Variants in CLCA2 observed in about 807,000 individuals in gnomAD.
The protein encoded by CLCA2 is chloride channel accessory 2.
CLCA2 carries 85 observed loss-of-function variants against 82.9 expected under a neutral mutation model. The ratio of observed to expected loss-of-function variants is 1.03; its 90% CI spans 0.86 to 1.23. The LOEUF is 1.23. CLCA2 is among the 50% of genes most tolerant of loss of function. The pLI, the probability that CLCA2 is intolerant of heterozygous loss-of-function variation, is 0.00. For synonymous variants in CLCA2, 421 were observed against 391.7 expected, an observed-to-expected ratio of 1.07 and a Z score of -0.88; for missense variants, 1,089 against 1,124.8, an observed-to-expected ratio of 0.97 and a Z score of 0.45.
chr1:86,436,801 A>G (rs1296648630), intron 6 of CLCA2, among the ~76,000 whole-genome samples: 2 of 151,626 alleles, frequency 1.3e-5, no homozygotes, highest in African/African-American at 2.4e-5. Flanking sequence ...ACAACCTCCA[A>G]CTCCCAGGTT....
intron 12 of CLCA2, among the ~76,000 whole-genome samples, chr1:86,452,768 T>C (rs1401799749): frequency 6.6e-6 from 1 of 152,226 alleles, no homozygotes; most frequent in Non-Finnish European, 1.5e-5. Flanking sequence ...CTTTCCTTCT[T>C]ACACTTATCA....
At position 86,453,578 on chromosome 1, in the gene CLCA2, G is replaced by A. The variant is rs374940896; in HGVS notation, c.2365G>A (p.Gly789Arg). The A allele has an allele frequency of 5.0e-6, 8 of 1,613,920 alleles. No individual in the cohort carries two copies. Among genetic ancestry groups the A allele is most frequent in the Non-Finnish European group, 5.9e-6 (7 of 1,180,002 alleles). Reference protein sequence around the residue: ...EELTLSWTAPGEDFDQGQATS... With the variant: ...EELTLSWTAPREDFDQGQATS... The stretch of plus-strand genomic sequence containing the variant: ...ATTGACCCTATCTTGGACAGCACCT[G>A]GAGAAGACTTTGATCAGGGCCAGGG... The change falls in exon 13 of 14, where the codon GGA (glycine) becomes AGA (arginine). Residue 789 changes from glycine (G) to arginine (R), a missense_variant. By Grantham distance (125) the Gly-to-Arg change is moderately radical. Coordinates refer to ENST00000370565, the MANE Select transcript of CLCA2 (RefSeq NM_006536.7).
At chr1:86,449,080 A>C (rs1662913742) in intron 11 of CLCA2, among the ~76,000 whole-genome samples, 1 of 152,242 alleles carries the variant, frequency 6.6e-6, no homozygotes, top group South Asian at 2.1e-4. Flanking sequence ...TCAAAATGTA[A>C]ATTGTTTCCC....
At chr1:86,431,088 A>C in intron 4 of CLCA2, 118 bp downstream of exon 4, 1 of 662,548 alleles carries the variant, frequency 1.5e-6, no homozygotes, top group Non-Finnish European at 2.6e-6. Context: ...GCTAAAACTT[A>C]GCTGATAAGA....
chr1:86,449,240 A>G (rs1274812677), intron 11 of CLCA2, among the ~76,000 whole-genome samples: 1 of 152,248 alleles, frequency 6.6e-6, no homozygotes, highest in Non-Finnish European at 1.5e-5. Flanking sequence ...GCATACTCTC[A>G]AATAATCATC....
intron 9 of CLCA2, 87 bp from the exon 10 acceptor site, chr1:86,443,700 C>T: frequency 1.1e-6 from 1 of 951,454 alleles, no homozygotes; most frequent in Non-Finnish European, 1.6e-6. Context: ...TTTATTTTTG[C>T]CAATTAATTG....
At chr1:86,435,930 GT>G (rs113228505) in intron 6 of CLCA2, among the ~76,000 whole-genome samples, 37,983 of 97,016 alleles carry the variant, frequency 0.39, 5,037 homozygotes, top group Admixed American at 0.48. Context: ...ATTTTAAATG[GT>G]TAAAAAAAAA....
rs1325593618 is a variant in CLCA2 at position 86,447,728 on chromosome 1, A to G, written c.1934A>G (p.Glu645Gly). 1.9e-6 allele frequency: 3 copies of G among 1,613,902 alleles called. No homozygotes were observed. The highest frequency in any genetic ancestry group is 2.2e-5 in the South Asian group (2 of 91,082). The stretch of plus-strand genomic sequence containing the variant: ...AATGCCACTGTCACTGCCACAGTTG[A>G]GCCAGAGACTGGAGATCCTGTTACG... ...ILNATVTATV[E>G]PETGDPVTLR... is the part of the protein sequence containing the mutation. The change falls in exon 11 of 14, where the codon GAG becomes GGG. Residue 645 changes from glutamate to glycine, a missense_variant. By Grantham distance (98) the Glu-to-Gly change is moderately conservative (BLOSUM62 -2). Coordinates refer to ENST00000370565, the MANE Select transcript of CLCA2 (RefSeq NM_006536.7).
At chr1:86,430,149 G>A (rs1015677456) in intron 3 of CLCA2, among the ~76,000 whole-genome samples, 5 of 152,264 alleles carry the variant, frequency 3.3e-5, no homozygotes, top group Non-Finnish European at 5.9e-5. Flanking sequence ...CATCTGGAAA[G>A]CTTATATGGG....
intron 3 of CLCA2, among the ~76,000 whole-genome samples, chr1:86,430,583 G>A (rs572983379): frequency 6.6e-6 from 1 of 152,078 alleles, no homozygotes; most frequent in South Asian, 2.1e-4. Flanking sequence ...AGAGGATGTG[G>A]GACTACTCAC....
At chr1:86,454,066 C>T (rs1663026288) in intron 13 of CLCA2, among the ~76,000 whole-genome samples, 1 of 152,152 alleles carries the variant, frequency 6.6e-6, no homozygotes, top group Admixed American at 6.5e-5. Context: ...GGACCAGTCC[C>T]CTGATTCAGG....
Position 86,455,583 on chromosome 1 carries a change from A to G in CLCA2, c.*56A>G. The G allele has an allele frequency of 8.8e-7, 1 of 1,140,434 alleles. No homozygotes were observed. 70.6% of individuals were successfully genotyped at this position (1,140,434 alleles called of 1,614,324 possible). On this transcript the variant is annotated 3_prime_UTR_variant, in exon 14 of 14. Coordinates refer to ENST00000370565, the MANE Select transcript of CLCA2 (RefSeq NM_006536.7). ...TATAAGACCCATGGCCTTCGACTAC[A>G]AAAACATACTAACAAAGTCAAATTA...
intron 9 of CLCA2, among the ~76,000 whole-genome samples, chr1:86,443,459 T>G (rs140025819): frequency 1.3e-5 from 2 of 152,364 alleles, no homozygotes; most frequent in African/African-American, 4.8e-5. Flanking sequence ...ATGAAAATTT[T>G]TAAAAGCTTG....
chr1:86,434,001 G>C (rs3765980), intron 5 of CLCA2, among the ~76,000 whole-genome samples: 42,650 of 130,050 alleles, frequency 0.33, 6,554 homozygotes, highest in Non-Finnish European at 0.4. Context: ...AAATTGAGTG[G>C]GGGTGGGGGA....
intron 11 of CLCA2, chr1:86,448,045 C>T (rs904204219): frequency 4.2e-6 from 2 of 470,902 alleles, no homozygotes; most frequent in African/African-American, 1.9e-5. Context: ...TCCTGGCTTC[C>T]ACTTGCTGAG....
At chr1:86,431,026 A>G (rs574776269) in intron 4 of CLCA2, 56 bp downstream of exon 4, 10 of 1,253,924 alleles carry the variant, frequency 8.0e-6, no homozygotes, top group Non-Finnish European at 1.1e-5. Context: ...AAAATTGCTT[A>G]TAACTTAAGC....
At chr1:86,452,400 T>C (rs1421000996) in intron 12 of CLCA2, among the ~76,000 whole-genome samples, 1 of 152,096 alleles carries the variant, frequency 6.6e-6, no homozygotes, top group Non-Finnish European at 1.5e-5. Context: ...TGTGCTTTAA[T>C]TCATTCTACA....
At chr1:86,430,753 G>A (rs985027841) in intron 3 of CLCA2, 109 bp from the exon 4 acceptor site, 1 of 803,168 alleles carries the variant, frequency 1.2e-6, no homozygotes, top group Admixed American at 2.2e-5. Context: ...TAAACTCTTT[G>A]GTCATTCCAA....
At position 86,430,712 on chromosome 1, in the gene CLCA2, G is replaced by T. The variant is rs530045746; in HGVS notation, c.476-150G>T. On this transcript the variant is annotated intron_variant, in intron 3 of 13. Coordinates refer to ENST00000370565, the MANE Select transcript of CLCA2 (RefSeq NM_006536.7). ...TAGGAGGAGATGGGAATAGGATAGG[G>T]GAGAGGAAAAGGGGAGAGAGGGAAG... 2.1e-4 allele frequency: 136 copies of T among 662,944 alleles called. 1 individual carries two copies. In the South Asian group the frequency reaches 2.5e-3, roughly 12 times the overall value. 41.1% of individuals were successfully genotyped at this position (662,944 alleles called of 1,614,324 possible).
Sources: allele counts gnomAD v4.1 joint callset (sites outside exome capture counted in the v4.1 genomes callset), GRCh38; gene constraint gnomAD v4.1.1; transcripts MANE v1.5; gene names NCBI Gene and HGNC (gene_info 2026-07-23, HGNC 2026-07-21).